Variants in VWDE observed in about 807,000 individuals in gnomAD.
The protein encoded by VWDE is von Willebrand factor D and EGF domain-containing protein.
VWDE carries 207 observed loss-of-function variants against 178.4 expected under a neutral mutation model. The ratio of observed to expected loss-of-function variants is 1.16; its 90% CI spans 1.04 to 1.30. VWDE has a LOEUF of 1.30. Among genes scored for constraint, VWDE ranks in the 50% most tolerant of loss-of-function variants. VWDE has a pLI of 0.00. For synonymous variants in VWDE, 738 were observed against 651.4 expected, an observed-to-expected ratio of 1.13 and a Z score of -2.02; for missense variants, 2,287 against 1,901.3, an observed-to-expected ratio of 1.20 and a Z score of -3.77.
intron 15 of VWDE, among the ~76,000 whole-genome samples, chr7:12,360,053 A>G (rs1389721046): frequency 6.6e-6 from 1 of 152,092 alleles, no homozygotes; most frequent in East Asian, 1.9e-4. Flanking sequence ...TTTCCTCCAC[A>G]ATTTATAAAA....
intron 19 of VWDE, among the ~76,000 whole-genome samples, chr7:12,344,854 G>A (rs1436709580): frequency 6.6e-6 from 1 of 152,096 alleles, no homozygotes; most frequent in East Asian, 1.9e-4. Flanking sequence ...GAGAAACCTA[G>A]TTCATGCAAA....
intron 12 of VWDE, 75 bp from the exon 13 acceptor site, chr7:12,367,568 C>A (rs1023168640): frequency 2.4e-6 from 3 of 1,243,716 alleles, no homozygotes; most frequent in South Asian, 1.8e-5. Context: ...TTTCCAAGCC[C>A]CAAATTAAAA....
chr7:12,356,272 A>G lies in VWDE; in HGVS notation c.3584T>C (p.Phe1195Ser). Residue 1195 changes from phenylalanine to serine, a missense_variant, in exon 18 of 29, where the codon TTT (phenylalanine) becomes TCT (serine). Physicochemically the swap from Phe to Ser is radical, Grantham distance 155. Transcript: ENST00000275358. Reference sequence around the variant, plus strand: ...CAGGTACACTCCACTCCCTGGAGAAAAGTTCCTATCAGATACACATGATCC... The same window carrying G: ...CAGGTACACTCCACTCCCTGGAGAAGAGTTCCTATCAGATACACATGATCC... ...NGGSCVSDRN[F>S]SPGSGVYLCV... 1.3e-6 allele frequency: 2 copies of G among 1,551,652 alleles called. No homozygotes were observed. Among genetic ancestry groups the G allele is most frequent in the Non-Finnish European group, 8.7e-7 (1 of 1,146,982 alleles).
intron 22 of VWDE, 91 bp from the exon 23 acceptor site, chr7:12,342,245 C>T (rs989702313): frequency 1.2e-6 from 1 of 853,312 alleles, no homozygotes; most frequent in Non-Finnish European, 1.8e-6. Flanking sequence ...CTGCTAATCA[C>T]ATCTGCTAAT....
intron 1 of VWDE, among the ~76,000 whole-genome samples, chr7:12,394,912 AAGG>A (rs1372984111): frequency 1.7e-4 from 26 of 152,300 alleles, no homozygotes; most frequent in African/African-American, 5.8e-4. Context: ...CAACTTTAAT[AAGG>A]AGAACAAAAA....
At chr7:12,368,254 G>T (rs1323993187) in intron 12 of VWDE, among the ~76,000 whole-genome samples, 10 of 148,570 alleles carry the variant, frequency 6.7e-5, no homozygotes, top group African/African-American at 2.2e-4. Context: ...AAAATAAAAA[G>T]ATAAATATAA....
intron 19 of VWDE, among the ~76,000 whole-genome samples, chr7:12,348,434 T>C (rs112535372): frequency 0.35 from 45,630 of 128,712 alleles, 8,194 homozygotes; most frequent in Admixed American, 0.45. Flanking sequence ...CAGACACTTC[T>C]CAAAAGAAGA....
At chr7:12,392,978 A>G (rs918452039) in intron 2 of VWDE, among the ~76,000 whole-genome samples, 2 of 152,168 alleles carry the variant, frequency 1.3e-5, no homozygotes, top group African/African-American at 4.8e-5. Context: ...ATTCAGTGAG[A>G]TAAGGCCATA....
chr7:12,344,111 A>C (rs1299282062), intron 21 of VWDE, 84 bp downstream of exon 21: 7 of 1,151,734 alleles, frequency 6.1e-6, no homozygotes, highest in Non-Finnish European at 8.8e-6. Flanking sequence ...ACACAGTAAA[A>C]CTGAATTGTC....
In VWDE at chr7:12,351,630, C is replaced by T. The variant is rs1455056273; in HGVS notation, c.3829G>A (p.Asp1277Asn). ...CTCTTTCTCCCTTGGGCATTTTTAT[C>T]ATCCTCTTCTTTATTTACACTTTTA... ...SDKSVNKEED[D>N]KNAQGRKRHV... Residue 1277 changes from aspartate to asparagine, a missense_variant, in exon 19 of 29, where the codon GAT (aspartate) becomes AAT (asparagine). Physicochemically the swap from Asp to Asn is conservative, Grantham distance 23. Coordinates refer to ENST00000275358, the MANE Select transcript of VWDE (RefSeq NM_001135924.3). 1.9e-6 allele frequency: 3 copies of T among 1,548,208 alleles called. 1 individual carries two copies. In the South Asian group the frequency reaches 3.6e-5, roughly 18 times the overall value.
intron 2 of VWDE, among the ~76,000 whole-genome samples, chr7:12,392,897 C>T (rs543951129): frequency 1.3e-5 from 2 of 150,654 alleles, no homozygotes; most frequent in African/African-American, 4.9e-5. Context: ...GAAAGACATA[C>T]ACTTACATAT....
chr7:12,379,990 C>G (rs1783755495), intron 5 of VWDE, among the ~76,000 whole-genome samples: 1 of 151,492 alleles, frequency 6.6e-6, no homozygotes, highest in South Asian at 2.1e-4. Flanking sequence ...CCCAGCTACT[C>G]AGGAGGCTGA....
At chr7:12,359,547 G>C in intron 16 of VWDE, 31 bp downstream of exon 16, 2 of 1,407,024 alleles carry the variant, frequency 1.4e-6, no homozygotes, top group Non-Finnish European at 2.0e-6. Context: ...TCTTGTATAG[G>C]AAATATTTGG....
chr7:12,400,966 T>C (rs1046826542), intron 1 of VWDE, among the ~76,000 whole-genome samples: 1 of 152,258 alleles, frequency 6.6e-6, no homozygotes, highest in African/African-American at 2.4e-5. Context: ...AATCCACATG[T>C]TCATCTCAAC....
intron 1 of VWDE, among the ~76,000 whole-genome samples, chr7:12,395,857 G>C (rs1228309065): frequency 6.6e-6 from 1 of 152,004 alleles, no homozygotes; most frequent in Admixed American, 6.6e-5. Context: ...CTCATTTGAG[G>C]ATCTGAGGAC....
chr7:12,346,784 G>A (rs1458443428), intron 19 of VWDE, among the ~76,000 whole-genome samples: 1 of 151,862 alleles, frequency 6.6e-6, no homozygotes, highest in Non-Finnish European at 1.5e-5. Context: ...TGCAAATTTA[G>A]GATTTGATTT....
intron 4 of VWDE, 146 bp from the exon 5 acceptor site, chr7:12,380,879 A>G (rs2128558705): frequency 1.1e-6 from 1 of 945,040 alleles, no homozygotes; most frequent in Non-Finnish European, 1.5e-6. Context: ...CTAGCAATCA[A>G]CAAAGTAATA....
In VWDE at chr7:12,403,829, T is replaced by C. The variant is rs1785035308; in HGVS notation, c.-113A>G. On this transcript the variant is annotated 5_prime_UTR_variant, in exon 1 of 29. Transcript: ENST00000275358. ...CCTTTCTTGGATTTTCTCAGTCTGTTGCTGCTTGGAACAGGGAAGCTCCGC... is the reference window on the plus strand; with the variant it reads ...CCTTTCTTGGATTTTCTCAGTCTGTCGCTGCTTGGAACAGGGAAGCTCCGC... The C allele has an allele frequency of 2.5e-6, 3 of 1,195,754 alleles. No individual in the cohort carries two copies. Among genetic ancestry groups the C allele is most frequent in the South Asian group, 2.8e-5 (2 of 70,394 alleles). 74.1% of individuals were successfully genotyped at this position (1,195,754 alleles called of 1,614,324 possible).
intron 2 of VWDE, among the ~76,000 whole-genome samples, chr7:12,393,036 T>C (rs1269637349): frequency 6.6e-6 from 1 of 152,180 alleles, no homozygotes; most frequent in African/African-American, 2.4e-5. Context: ...CTTTCAATTG[T>C]GATCAGAAAA....
Sources: gnomAD v4.1 joint callset for allele counts (sites outside exome capture counted in the v4.1 genomes callset) on GRCh38, gnomAD v4.1.1 for gene constraint, MANE v1.5 for transcripts, NCBI Gene and HGNC (gene_info 2026-07-23, HGNC 2026-07-21) for gene names.